The following SULF1 variants were observed in gnomAD, a reference collection of about 807,000 sequenced individuals.
SULF1 encodes extracellular sulfatase Sulf-1.
In SULF1, 46 loss-of-function variants were observed where a neutral mutation model predicts 110.5. The observed-to-expected ratio is 0.42, with a 90% confidence interval of 0.33 to 0.53. The LOEUF is 0.53. SULF1 is among the 20% of genes least tolerant of loss of function. SULF1 has a pLI of 0.12. For missense variants in SULF1, 941 were observed against 1,094.2 expected, an observed-to-expected ratio of 0.86 and a Z score of 1.98; for synonymous variants, 371 against 387.1, an observed-to-expected ratio of 0.96 and a Z score of 0.49.
At chr8:69,640,899 G>C in intron 22 of SULF1, 58 bp downstream of exon 22, 1 of 1,551,320 alleles carries the variant, frequency 6.4e-7, no homozygotes, top group Non-Finnish European at 8.8e-7. Flanking sequence ...GCATGATCCA[G>C]TGGTTTCAAC....
At chr8:69,601,388 T>A (rs1586518694) in intron 9 of SULF1, among the ~76,000 whole-genome samples, 1 of 152,174 alleles carries the variant, frequency 6.6e-6, no homozygotes. Context: ...TTGTGCGGGG[T>A]GTTTTTGTTT....
Position 69,603,228 on chromosome 8 carries a change from C to T in SULF1, c.1098C>T (p.Pro366=). 2 of 1,614,198 alleles carry T rather than the reference C, an allele frequency of 1.2e-6. No homozygotes were observed. Among genetic ancestry groups the T allele is most frequent in the Non-Finnish European group, 1.7e-6 (2 of 1,180,030 alleles). The change falls in exon 11 of 23, where the codon CCC becomes CCT. Residue 366 remains proline, a synonymous_variant. Transcript: ENST00000402687. ...TCGTTCTCAACATTGACTTGGCCCCCACGATCCTGGATATTGCTGGGCTCG... is the reference window on the plus strand; with the variant it reads ...TCGTTCTCAACATTGACTTGGCCCCTACGATCCTGGATATTGCTGGGCTCG... ...PQIVLNIDLA[P]TILDIAGLDT...
intron 22 of SULF1, among the ~76,000 whole-genome samples, chr8:69,653,793 TAA>T (rs966036355): frequency 1.3e-5 from 2 of 152,128 alleles, no homozygotes; most frequent in African/African-American, 4.8e-5. Flanking sequence ...CCTCAGCATA[TAA>T]AAGACACTCT....
upstream of SULF1, among the ~76,000 whole-genome samples, chr8:69,489,571 C>CT (rs61391745): frequency 0.07 from 6,403 of 91,920 alleles, 430 homozygotes; most frequent in African/African-American, 0.15. Flanking sequence ...CTTTCTTTCT[C>CT]TTTTTTTTTT....
intron 3 of SULF1, among the ~76,000 whole-genome samples, chr8:69,544,900 A>G (rs1292948789): frequency 1.3e-5 from 2 of 152,192 alleles, no homozygotes; most frequent in Non-Finnish European, 2.9e-5. Context: ...TAAAATATGA[A>G]AATCCATCAT....
intron 18 of SULF1, among the ~76,000 whole-genome samples, chr8:69,629,040 T>G (rs1228461820): frequency 6.6e-6 from 1 of 152,196 alleles, no homozygotes; most frequent in Non-Finnish European, 1.5e-5. Flanking sequence ...GTTCCTTTTT[T>G]GTTGTTTTTT....
chr8:69,640,999 C>A, intron 22 of SULF1, 158 bp downstream of exon 22: 1 of 555,206 alleles, frequency 1.8e-6, no homozygotes, highest in South Asian at 3.4e-5. Context: ...TGTCATTGAT[C>A]ACAGAACTGT....
At chr8:69,579,545 TCA>T (rs745559296) in intron 6 of SULF1, among the ~76,000 whole-genome samples, 27 of 131,792 alleles carry the variant, frequency 2.0e-4, no homozygotes, top group South Asian at 2.4e-4. Context: ...CAAGACTCTG[TCA>T]CACACACACA....
chr8:69,545,812 G>A (rs993230398), intron 3 of SULF1, among the ~76,000 whole-genome samples: 5 of 151,938 alleles, frequency 3.3e-5, no homozygotes, highest in African/African-American at 9.7e-5. Flanking sequence ...TTCTCCTGCC[G>A]CAGTCCACGC....
intron 13 of SULF1, among the ~76,000 whole-genome samples, chr8:69,619,832 C>T (rs1809465213): frequency 6.6e-6 from 1 of 152,196 alleles, no homozygotes; most frequent in Non-Finnish European, 1.5e-5. Context: ...TTTTGGGCTC[C>T]AGCCCTGCGG....
rs1351435290 is a variant in SULF1 at position 69,660,703 on chromosome 8, G to C, written c.*2168G>C. ...CTCTGTACATATGTTCAAATTAGCT[G>C]CTTGCCTGATGTGTGTATCATCGGT... is the stretch of plus-strand genomic sequence containing the variant. On this transcript the variant is annotated 3_prime_UTR_variant, in exon 23 of 23. Coordinates refer to ENST00000402687, the MANE Select transcript of SULF1 (RefSeq NM_001128205.2). 1 of 152,490 alleles carries C rather than the reference G, an allele frequency of 6.6e-6. No homozygotes were observed. Among genetic ancestry groups the C allele is most frequent in the Non-Finnish European group, 1.5e-5 (1 of 68,002 alleles). 9.4% of individuals were successfully genotyped at this position (152,490 alleles called of 1,614,324 possible).
chr8:69,512,951 A>T (rs1023740686), intron 3 of SULF1, among the ~76,000 whole-genome samples: 1 of 152,128 alleles, frequency 6.6e-6, no homozygotes, highest in African/African-American at 2.4e-5. Context: ...TCCAGAATTT[A>T]TTTCTCCCTT....
At chr8:69,617,543 G>T (rs989744173) in intron 13 of SULF1, among the ~76,000 whole-genome samples, 1 of 149,304 alleles carries the variant, frequency 6.7e-6, no homozygotes, top group South Asian at 2.1e-4. Flanking sequence ...TACTGGGATT[G>T]TAGGTGTGAT....
chr8:69,644,887 T>C (rs1438153905), intron 22 of SULF1, among the ~76,000 whole-genome samples: 1 of 152,124 alleles, frequency 6.6e-6, no homozygotes, highest in East Asian at 1.9e-4. Flanking sequence ...TGGAGCTTCC[T>C]GGGTTCTCCT....
intron 1 of SULF1, among the ~76,000 whole-genome samples, chr8:69,480,123 T>A (rs1043462370): frequency 6.6e-6 from 1 of 152,208 alleles, no homozygotes; most frequent in Non-Finnish European, 1.5e-5. Context: ...GAGAAACTTC[T>A]TTGTAAAAGC....
At chr8:69,611,829 A>T (rs1226958396) in intron 13 of SULF1, among the ~76,000 whole-genome samples, 1 of 152,180 alleles carries the variant, frequency 6.6e-6, no homozygotes, top group African/African-American at 2.4e-5. Context: ...CCTTTGAAAA[A>T]GTTGTACACA....
intron 3 of SULF1, among the ~76,000 whole-genome samples, chr8:69,550,118 A>G (rs1458785382): frequency 6.6e-6 from 1 of 151,608 alleles, no homozygotes; most frequent in Non-Finnish European, 1.5e-5. Context: ...TTCTCTAGGC[A>G]TACAAGATCT....
chr8:69,581,394 A>C (rs1027149015), intron 6 of SULF1, among the ~76,000 whole-genome samples: 1 of 152,194 alleles, frequency 6.6e-6, no homozygotes, highest in Non-Finnish European at 1.5e-5. Context: ...TTTTCTAAGC[A>C]TTATGGAACA....
intron 8 of SULF1, among the ~76,000 whole-genome samples, chr8:69,596,629 C>T (rs989191643): frequency 1.3e-5 from 2 of 152,034 alleles, no homozygotes; most frequent in African/African-American, 4.8e-5. Context: ...TTTTGAGGTA[C>T]TTTGTGGGGC....
Sources: gnomAD v4.1 joint callset for allele counts (sites outside exome capture counted in the v4.1 genomes callset) on GRCh38, gnomAD v4.1.1 for gene constraint, MANE v1.5 for transcripts, NCBI Gene and HGNC (gene_info 2026-07-23, HGNC 2026-07-21) for gene names.